Variants in SH3GL2 observed in about 807,000 individuals in gnomAD.
SH3GL2 encodes the protein endophilin-A1.
SH3GL2 carries 24 observed loss-of-function variants against 46.0 expected under a neutral mutation model. That is an observed-to-expected ratio of 0.52 (90% confidence interval 0.38 to 0.73). The LOEUF is 0.73. SH3GL2 is among the 30% of genes least tolerant of loss of function. The pLI is 0.00. For missense variants in SH3GL2, 413 were observed against 424.2 expected (o/e 0.97, Z 0.23); for synonymous variants, 196 against 147.1 (o/e 1.33, Z -2.40).
intron 1 of SH3GL2, among the ~76,000 whole-genome samples, chr9:17,716,657 C>T (rs904301038): frequency 6.6e-6 from 1 of 152,108 alleles, no homozygotes; most frequent in Non-Finnish European, 1.5e-5. Context: ...ATAAGGGAAA[C>T]ATTTTATAGA....
intron 1 of SH3GL2, among the ~76,000 whole-genome samples, chr9:17,689,551 C>A (rs1167680129): frequency 6.6e-6 from 1 of 151,992 alleles, no homozygotes; most frequent in Non-Finnish European, 1.5e-5. Context: ...CTACAAGGCC[C>A]CATGTGATTT....
intron 1 of SH3GL2, among the ~76,000 whole-genome samples, chr9:17,606,767 C>T (rs1411029976): frequency 6.6e-6 from 1 of 152,096 alleles, no homozygotes; most frequent in Non-Finnish European, 1.5e-5. Context: ...GTTAGTTGTT[C>T]CATATCCTGC....
intron 2 of SH3GL2, among the ~76,000 whole-genome samples, chr9:17,759,966 T>C (rs139908505): frequency 5.9e-5 from 9 of 152,300 alleles, no homozygotes; most frequent in Non-Finnish European, 1.2e-4. Context: ...CTTTGATCCA[T>C]TTCCCTGGCA....
rs751658195 is a variant in SH3GL2, at chr9:17,659,444, G to GGT, written c.45+80174_45+80175dup. ...TGGAATGTCAGCCATTGAAGTAAGT[G>GGT]GTGTGTGTGTGTGTGTGTTTTCTCA... On this transcript the variant is annotated intron_variant, in intron 1 of 8. Coordinates refer to ENST00000380607, the MANE Select transcript of SH3GL2 (RefSeq NM_003026.5). Among the ~76,000 whole-genome samples the GGT allele has an allele frequency of 3.4e-3, 506 of 151,014 alleles. 3 individuals carry two copies. The highest frequency in any genetic ancestry group is 9.6e-3 in the African/African-American group (398 of 41,300).
At chr9:17,731,701 C>A (rs1311451091) in intron 1 of SH3GL2, among the ~76,000 whole-genome samples, 3 of 152,156 alleles carry the variant, frequency 2.0e-5, no homozygotes, top group African/African-American at 7.2e-5. Context: ...GACTGATAGA[C>A]TCCCTCATCG....
chr9:17,748,209 G>C (rs1356255943), intron 2 of SH3GL2, among the ~76,000 whole-genome samples: 1 of 152,008 alleles, frequency 6.6e-6, no homozygotes, highest in Non-Finnish European at 1.5e-5. Flanking sequence ...TGATATTTAG[G>C]CTTATGATTA....
chr9:17,678,813 G>A (rs989714337), intron 1 of SH3GL2, among the ~76,000 whole-genome samples: 2 of 152,108 alleles, frequency 1.3e-5, no homozygotes, highest in African/African-American at 4.8e-5. Flanking sequence ...TTTGTATAAG[G>A]TGTAAGGAAG....
At chr9:17,604,137 G>A (rs1409747719) in intron 1 of SH3GL2, among the ~76,000 whole-genome samples, 5 of 152,078 alleles carry the variant, frequency 3.3e-5, no homozygotes, top group African/African-American at 4.8e-5. Flanking sequence ...CACTTCATAC[G>A]TGAGAAAACT....
Position 17,737,932 on chromosome 9 carries a change from T to C in SH3GL2, c.46-9134T>C, listed in dbSNP as rs557006306. On this transcript the variant is annotated intron_variant, in intron 1 of 8. Coordinates refer to ENST00000380607, the MANE Select transcript of SH3GL2 (RefSeq NM_003026.5). ...TCCCATGTCTGTTCATCTGGCTTACTTACTCCTTTCAGAATCAGCCCAGCC... is the reference window on the plus strand; with the variant it reads ...TCCCATGTCTGTTCATCTGGCTTACCTACTCCTTTCAGAATCAGCCCAGCC... Among the ~76,000 whole-genome samples the C allele has an allele frequency of 4.6e-5, 7 of 152,268 alleles. No homozygotes were observed. The South Asian group carries it at 8.3e-4, about 18-fold the overall frequency.
chr9:17,732,206 A>T (rs1034896109), intron 1 of SH3GL2, among the ~76,000 whole-genome samples: 1 of 151,312 alleles, frequency 6.6e-6, no homozygotes, highest in South Asian at 2.1e-4. Context: ...GTACTGTTGG[A>T]GATGGTGACC....
At chr9:17,579,807 C>T (rs977126323) in intron 1 of SH3GL2, among the ~76,000 whole-genome samples, 3 of 152,178 alleles carry the variant, frequency 2.0e-5, no homozygotes, top group Non-Finnish European at 2.9e-5. Context: ...CCGCCGCCCG[C>T]AGGCTCCAGG....
rs112635536 is a variant in SH3GL2 at position 17,601,987 on chromosome 9, G to A, written c.45+22700G>A. 3.0e-3 allele frequency among the ~76,000 whole-genome samples: 454 copies of A among 152,254 alleles called. 3 individuals are homozygous for A. The highest frequency in any genetic ancestry group is 0.011 in the African/African-American group (441 of 41,556). ...CTTATAGATTGTTCATATATGGAAAGCATTTTAAGGGCATTGCAGAAAGCC... is the reference window on the plus strand; with the variant it reads ...CTTATAGATTGTTCATATATGGAAAACATTTTAAGGGCATTGCAGAAAGCC... On this transcript the variant is annotated intron_variant, in intron 1 of 8. Transcript: ENST00000380607.
intron 1 of SH3GL2, among the ~76,000 whole-genome samples, chr9:17,738,670 AG>A (rs1340160941): frequency 1.3e-5 from 2 of 148,978 alleles, no homozygotes; most frequent in African/African-American, 4.9e-5. Flanking sequence ...AGAGAGAGAG[AG>A]AGATAATTTT....
intron 2 of SH3GL2, among the ~76,000 whole-genome samples, chr9:17,755,276 G>C (rs566373938): frequency 5.9e-5 from 9 of 152,260 alleles, no homozygotes; most frequent in Non-Finnish European, 1.0e-4. Context: ...CTGTTTATGT[G>C]ATGAATCATA....
At chr9:17,724,701 T>A (rs1821980130) in intron 1 of SH3GL2, among the ~76,000 whole-genome samples, 1 of 152,182 alleles carries the variant, frequency 6.6e-6, no homozygotes, top group Non-Finnish European at 1.5e-5. Flanking sequence ...AGGGAAAGTT[T>A]CTTGAAGTTG....
intron 1 of SH3GL2, among the ~76,000 whole-genome samples, chr9:17,703,634 C>T (rs7874141): frequency 0.048 from 7,231 of 152,034 alleles, 577 homozygotes; most frequent in African/African-American, 0.16. Flanking sequence ...CCCTGGGATG[C>T]AAGGTTGGTT....
intron 1 of SH3GL2, among the ~76,000 whole-genome samples, chr9:17,655,778 T>G (rs1020258692): frequency 6.6e-6 from 1 of 152,226 alleles, no homozygotes; most frequent in Non-Finnish European, 1.5e-5. Context: ...GTCTGATCCA[T>G]GTAGTCTGAA....
chr9:17,737,970 T>C (rs565802557), intron 1 of SH3GL2, among the ~76,000 whole-genome samples: 2 of 152,238 alleles, frequency 1.3e-5, no homozygotes, highest in Non-Finnish European at 2.9e-5. Flanking sequence ...CAGGAAGCTT[T>C]TCCCAGCCTA....
intron 1 of SH3GL2, among the ~76,000 whole-genome samples, chr9:17,724,877 T>G (rs1821984070): frequency 6.6e-6 from 1 of 151,240 alleles, no homozygotes; most frequent in Non-Finnish European, 1.5e-5. Flanking sequence ...GCCTAAATCA[T>G]TTATTGATCA....
Sources: gnomAD v4.1 joint callset for allele counts (sites outside exome capture counted in the v4.1 genomes callset) on GRCh38, gnomAD v4.1.1 for gene constraint, MANE v1.5 for transcripts, NCBI Gene and HGNC (gene_info 2026-07-23, HGNC 2026-07-21) for gene names.